The following DNAH11 variants were observed in gnomAD, a reference collection of about 807,000 sequenced individuals.
DNAH11 encodes dynein axonemal heavy chain 11, also known as axonemal beta dynein heavy chain 11.
Under a neutral mutation model 526.0 loss-of-function variants are expected in DNAH11, and 442 were observed. That is an observed-to-expected ratio of 0.84 (90% CI 0.78 to 0.91). DNAH11 has a LOEUF of 0.91. Among genes scored for constraint, DNAH11 ranks in the 40% least tolerant of loss-of-function variants. The probability of loss-of-function intolerance (pLI) is 0.00; values close to 1 mark genes in which losing one functional copy is unlikely to be tolerated. For synonymous variants in DNAH11, 2,461 were observed against 1,935.9 expected (o/e 1.27, Z -7.12); for missense variants, 6,989 against 5,448.7 (o/e 1.28, Z -8.90).
intron 28 of DNAH11, among the ~76,000 whole-genome samples, chr7:21,641,139 T>C (rs1338245343): frequency 6.6e-6 from 1 of 152,214 alleles, no homozygotes; most frequent in Non-Finnish European, 1.5e-5. Flanking sequence ...TCCTCCTCCT[T>C]TTCTACCTAG....
At chr7:21,838,354 G>T (rs1445999179) in intron 65 of DNAH11, among the ~76,000 whole-genome samples, 1 of 152,106 alleles carries the variant, frequency 6.6e-6, no homozygotes. Flanking sequence ...TCTGATAATT[G>T]TTCCCTTTTT....
intron 35 of DNAH11, among the ~76,000 whole-genome samples, chr7:21,697,402 C>T (rs963059355): frequency 6.6e-6 from 1 of 152,060 alleles, no homozygotes; most frequent in Non-Finnish European, 1.5e-5. Context: ...CTCTCAGTAG[C>T]TGATGGTTAA....
chr7:21,763,728 C>T (rs1272621424), intron 54 of DNAH11, among the ~76,000 whole-genome samples: 5 of 149,854 alleles, frequency 3.3e-5, no homozygotes, highest in Non-Finnish European at 7.4e-5. Context: ...GCGTTATTCA[C>T]GATAGCTGAG....
At chr7:21,685,506 A>G (rs1448914839) in intron 32 of DNAH11, among the ~76,000 whole-genome samples, 43 of 152,300 alleles carry the variant, frequency 2.8e-4, no homozygotes, top group Admixed American at 2.7e-3. Context: ...TGAATTATTT[A>G]CTAATTGTTT....
intron 64 of DNAH11, among the ~76,000 whole-genome samples, chr7:21,817,523 A>G (rs1208411525): frequency 2.2e-5 from 3 of 134,302 alleles, no homozygotes; most frequent in Admixed American, 2.2e-4. Flanking sequence ...CTCTACCAAA[A>G]AAAAAAAAAA....
At chr7:21,870,032 G>C (rs187460535) in intron 73 of DNAH11, among the ~76,000 whole-genome samples, 72 of 152,266 alleles carry the variant, frequency 4.7e-4, no homozygotes, top group African/African-American at 1.7e-3. Flanking sequence ...CTCGTCAGTA[G>C]GCAATTCACA....
At chr7:21,728,297 G>T (rs534519420) in intron 45 of DNAH11, among the ~76,000 whole-genome samples, 4 of 113,706 alleles carry the variant, frequency 3.5e-5, no homozygotes, top group African/African-American at 1.4e-4. Flanking sequence ...TTACTCTGTT[G>T]CCCAGGCTGG....
At chr7:21,745,614 G>A (rs1786111639) in intron 51 of DNAH11, among the ~76,000 whole-genome samples, 1 of 152,200 alleles carries the variant, frequency 6.6e-6, no homozygotes. Flanking sequence ...TAGGTGCTGA[G>A]ATACAGCAGC....
chr7:21,856,056 A>G (rs1029101882), intron 68 of DNAH11, among the ~76,000 whole-genome samples: 2 of 152,158 alleles, frequency 1.3e-5, no homozygotes, highest in African/African-American at 4.8e-5. Context: ...GAATTCAGGG[A>G]TTCCAGGTAG....
intron 66 of DNAH11, 51 bp from the exon 67 acceptor site, chr7:21,852,416 A>AAAG: frequency 6.5e-7 from 1 of 1,533,510 alleles, no homozygotes; most frequent in East Asian, 2.3e-5. Flanking sequence ...AAAAAAAAAA[A>AAAG]AAAAAAAGTA....
intron 65 of DNAH11, among the ~76,000 whole-genome samples, chr7:21,836,020 A>G (rs988481806): frequency 6.6e-6 from 1 of 151,616 alleles, no homozygotes; most frequent in Non-Finnish European, 1.5e-5. Context: ...CCAAATAAAT[A>G]AAAAACCTAA....
chr7:21,639,086 C>G (rs760765882), intron 28 of DNAH11, 21 bp downstream of exon 28: 12 of 1,604,812 alleles, frequency 7.5e-6, no homozygotes, highest in East Asian at 6.7e-5. Context: ...TTTTGAAAGT[C>G]TCGTATTATA....
intron 66 of DNAH11, among the ~76,000 whole-genome samples, chr7:21,844,607 T>C (rs965727450): frequency 5.3e-5 from 8 of 152,214 alleles, no homozygotes; most frequent in Admixed American, 3.3e-4. Context: ...TATAAATCAG[T>C]GGTTCTCAAA....
rs1554278438 is a variant in DNAH11 at position 21,763,353 on chromosome 7, A to AAGAAAAAAAAGAAG, written c.8941-2074_8941-2073insGAAAAAAAAGAAGA. On this transcript the variant is annotated intron_variant, in intron 54 of 81. Transcript: ENST00000409508. Reference sequence around the variant, plus strand: ...CAAGACTGTCTCAAAAAAAAAAAAAAAAAGAAAAAAAAAAAGACTTACAAA... The same window carrying AAGAAAAAAAAGAAG: ...CAAGACTGTCTCAAAAAAAAAAAAAAAGAAAAAAAAGAAGAAAGAAAAAAAAAAAGACTTACAAA... Among the ~76,000 whole-genome samples the AAGAAAAAAAAGAAG allele has an allele frequency of 3.5e-5, 2 of 56,964 alleles. 1 individual carries two copies. Among genetic ancestry groups the AAGAAAAAAAAGAAG allele is most frequent in the South Asian group, 1.2e-3 (2 of 1,640 alleles). 37.4% of individuals were successfully genotyped at this position (56,964 alleles called of 152,430 possible).
chr7:21,566,093 G>C (rs1783656120), intron 6 of DNAH11, among the ~76,000 whole-genome samples: 1 of 152,098 alleles, frequency 6.6e-6, no homozygotes, highest in Non-Finnish European at 1.5e-5. Context: ...TTCTCATTTT[G>C]AGAATAATTG....
At chr7:21,809,981 G>A (rs1006412596) in intron 63 of DNAH11, among the ~76,000 whole-genome samples, 3 of 152,164 alleles carry the variant, frequency 2.0e-5, no homozygotes, top group Non-Finnish European at 4.4e-5. Context: ...TTGGAAAAGT[G>A]CTTTAAACAG....
chr7:21,606,159 C>A (rs780002291), intron 18 of DNAH11, among the ~76,000 whole-genome samples: 7 of 151,944 alleles, frequency 4.6e-5, no homozygotes, highest in Non-Finnish European at 1.0e-4. Context: ...CCCTGTCCTA[C>A]AACAAATACA....
chr7:21,617,918 C>A, intron 23 of DNAH11, 141 bp downstream of exon 23: 1 of 987,454 alleles, frequency 1.0e-6, no homozygotes, highest in Non-Finnish European at 1.4e-6. Flanking sequence ...TGCCTTTTTG[C>A]TGTCTAGAAA....
chr7:21,617,040 G>C (rs1295178392), intron 22 of DNAH11, among the ~76,000 whole-genome samples: 4 of 152,136 alleles, frequency 2.6e-5, no homozygotes, highest in Admixed American at 6.5e-5. Context: ...GGATGTCATG[G>C]GGTCACATTG....
Sources: gnomAD v4.1 joint callset for allele counts (sites outside exome capture counted in the v4.1 genomes callset) on GRCh38, gnomAD v4.1.1 for gene constraint, MANE v1.5 for transcripts, NCBI Gene and HGNC (gene_info 2026-07-23, HGNC 2026-07-21) for gene names.